MAT2B: variants seen among roughly 807,000 people sequenced by gnomAD.
MAT2B encodes the protein methionine adenosyltransferase 2 subunit beta.
MAT2B carries 16 observed loss-of-function variants against 36.1 expected under a neutral mutation model. The observed-to-expected ratio is 0.44, with a 90% CI of 0.30 to 0.67. MAT2B has a LOEUF of 0.67. Among genes scored for constraint, MAT2B ranks in the 30% least tolerant of loss-of-function variants. The pLI is 0.09. For synonymous variants in MAT2B, 148 were observed against 136.9 expected, an observed-to-expected ratio of 1.08 and a Z score of -0.57; for missense variants, 332 against 398.2, an observed-to-expected ratio of 0.83 and a Z score of 1.42.
intron 4 of MAT2B, 141 bp from the exon 5 acceptor site, chr5:163,516,376 CA>C (rs777231225): frequency 6.0e-5 from 40 of 672,006 alleles, no homozygotes; most frequent in Admixed American, 5.7e-4. Flanking sequence ...TGCGTTGTCA[CA>C]AGTGAGCTGT....
At chr5:163,517,032 T>A in intron 5 of MAT2B, 1 of 455,918 alleles carries the variant, frequency 2.2e-6, no homozygotes, top group African/African-American at 2.0e-5. Flanking sequence ...GGCTCACACC[T>A]GTAATCCCAG....
chr5:163,505,981 A>G (rs1175632809), intron 1 of MAT2B, among the ~76,000 whole-genome samples: 1 of 152,058 alleles, frequency 6.6e-6, no homozygotes, highest in Non-Finnish European at 1.5e-5. Context: ...GCAGGAAGCA[A>G]GTAGGTGGAG....
At chr5:163,505,876 C>A in intron 1 of MAT2B, 127 bp downstream of exon 1, 1 of 639,730 alleles carries the variant, frequency 1.6e-6, no homozygotes, top group Non-Finnish European at 2.3e-6. Context: ...AGTGGTCTCA[C>A]CGCCACCCTC....
At chr5:163,513,707 G>C in intron 3 of MAT2B, 38 bp downstream of exon 3, 3 of 1,555,042 alleles carry the variant, frequency 1.9e-6, no homozygotes, top group African/African-American at 1.4e-5. Flanking sequence ...AAAATATTAA[G>C]TGATTGCTGA....
chr5:163,513,696 T>C (rs1457726774), intron 3 of MAT2B, 27 bp downstream of exon 3: 2 of 1,573,172 alleles, frequency 1.3e-6, no homozygotes, highest in Non-Finnish European at 1.7e-6. Flanking sequence ...AAAATTTTCA[T>C]AAAATATTAA....
intron 4 of MAT2B, among the ~76,000 whole-genome samples, chr5:163,515,949 G>A (rs1488587483): frequency 6.6e-6 from 1 of 151,630 alleles, no homozygotes; most frequent in Non-Finnish European, 1.5e-5. Flanking sequence ...TGTCCACGCT[G>A]GTCTCGAACT....
At chr5:163,514,908 T>A (rs999163550) in intron 4 of MAT2B, among the ~76,000 whole-genome samples, 1 of 152,222 alleles carries the variant, frequency 6.6e-6, no homozygotes, top group East Asian at 1.9e-4. Flanking sequence ...ACTCAGTAAT[T>A]TATAAAGAAC....
rs557557884 is a variant in MAT2B at position 163,518,520 on chromosome 5, G to A, written c.*157G>A. 29 of 564,448 alleles carry A rather than the reference G, an allele frequency of 5.1e-5. No individual in the cohort carries two copies. Among genetic ancestry groups the A allele is most frequent in the African/African-American group, 5.1e-4 (26 of 51,236 alleles). The allele number at this position is 564,448 out of a possible 1,614,324, so 35.0% of individuals were successfully genotyped here. On this transcript the variant is annotated 3_prime_UTR_variant, in exon 7 of 7. Transcript: ENST00000321757. ...TCTTGCACTAGTGAAATTGTCTAAA[G>A]AAACTAAAGGGCAGTCATGCCCTGT...
At chr5:163,517,060 G>T (rs559563821) in intron 5 of MAT2B, 12 of 373,648 alleles carry the variant, frequency 3.2e-5, no homozygotes, top group Admixed American at 8.3e-5. Context: ...GAAAAAGTTG[G>T]TATTAAATAT....
At chr5:163,509,493 CA>C (rs1450884481) in intron 1 of MAT2B, among the ~76,000 whole-genome samples, 1 of 152,166 alleles carries the variant, frequency 6.6e-6, no homozygotes, top group Non-Finnish European at 1.5e-5. Context: ...TGCAAATTAT[CA>C]AGCCCCACCC....
chr5:163,505,609 C>G, upstream of MAT2B: 1 of 1,248,796 alleles, frequency 8.0e-7, no homozygotes, highest in South Asian at 4.1e-5. Context: ...GGGCCGAGGG[C>G]GTCTGAGCTG....
chr5:163,516,143 GA>G (rs1186206778), intron 4 of MAT2B, among the ~76,000 whole-genome samples: 2 of 152,122 alleles, frequency 1.3e-5, no homozygotes, highest in Admixed American at 1.3e-4. Flanking sequence ...TCAGGCTCAA[GA>G]GATCCTTTTG....
At chr5:163,511,361 G>C (rs976242245) in intron 1 of MAT2B, among the ~76,000 whole-genome samples, 1 of 150,578 alleles carries the variant, frequency 6.6e-6, no homozygotes, top group African/African-American at 2.4e-5. Context: ...GGCCTCCCAG[G>C]CTCGTGATCC....
intron 1 of MAT2B, 93 bp downstream of exon 1, chr5:163,505,842 C>T (rs1759925712): frequency 9.7e-7 from 1 of 1,031,524 alleles, no homozygotes; most frequent in African/African-American, 1.7e-5. Context: ...GCGTATTCCG[C>T]CCGGGTCAGA....
upstream of MAT2B, among the ~76,000 whole-genome samples, chr5:163,505,337 T>A (rs1759908652): frequency 1.3e-5 from 2 of 152,154 alleles, no homozygotes; most frequent in Admixed American, 6.5e-5. Context: ...ACTTCAATCT[T>A]TTCCCGAGTC....
chr5:163,505,431 G>T (rs1044108046), upstream of MAT2B: 4 of 843,772 alleles, frequency 4.7e-6, no homozygotes, highest in Middle Eastern at 8.1e-4. Context: ...CTAAGGTCAG[G>T]GCCTTTCTTT....
rs572972767 is a variant in MAT2B at position 163,511,790 on chromosome 5, G to A, written c.64-212G>A. 1.1e-4 allele frequency among the ~76,000 whole-genome samples: 17 copies of A among 152,130 alleles called. No individual in the cohort carries two copies. The South Asian group carries it at 1.2e-3, about 11-fold the overall frequency. ...CTGGTCTCAAGTTCCTGGGCTCAGC[G>A]GAGCTGCCTGCCTCGCATTCCCAAA... On this transcript the variant is annotated intron_variant, in intron 1 of 6. Transcript: ENST00000321757.
rs1197318049 is a variant in MAT2B at position 163,516,699 on chromosome 5, G to A, written c.708G>A (p.Glu236=). The A allele has an allele frequency of 3.7e-6, 6 of 1,614,170 alleles. No homozygotes were observed. The change falls in exon 5 of 7, where the codon GAG becomes GAA. Residue 236 remains glutamate, a synonymous_variant. Coordinates refer to ENST00000321757, the MANE Select transcript of MAT2B (RefSeq NM_013283.5). ...DVATVCRQLA[E]KRMLDPSIKG... ...CCACTGTGTGCCGGCAGCTAGCAGAGAAGAGAATGCTGGTAAGAAGGATTC... is the reference window on the plus strand; with the variant it reads ...CCACTGTGTGCCGGCAGCTAGCAGAAAAGAGAATGCTGGTAAGAAGGATTC...
At chr5:163,511,215 C>T (rs903736331) in intron 1 of MAT2B, among the ~76,000 whole-genome samples, 6 of 152,040 alleles carry the variant, frequency 3.9e-5, no homozygotes, top group South Asian at 2.1e-4. Flanking sequence ...TAATTCCTTG[C>T]ATATCATCTT....
Sources: gnomAD v4.1 joint callset for allele counts (sites outside exome capture counted in the v4.1 genomes callset) on GRCh38, gnomAD v4.1.1 for gene constraint, MANE v1.5 for transcripts, NCBI Gene and HGNC (gene_info 2026-07-23, HGNC 2026-07-21) for gene names.